Variants in TMEM163 observed in about 807,000 individuals in gnomAD.
The protein encoded by TMEM163 is transmembrane protein 163.
In TMEM163, 17 loss-of-function variants were observed where a neutral mutation model predicts 29.3. The observed-to-expected ratio is 0.58, with a 90% confidence interval of 0.40 to 0.87. The LOEUF (loss-of-function observed/expected upper bound fraction) is 0.87, where lower values mean the gene tolerates loss of function less well. Among genes scored for constraint, TMEM163 ranks in the 40% least tolerant of loss-of-function variants. TMEM163 has a pLI of 0.00. For synonymous variants in TMEM163, 157 were observed against 160.6 expected, an observed-to-expected ratio of 0.98 and a Z score of 0.17; for missense variants, 303 against 381.5, an observed-to-expected ratio of 0.79 and a Z score of 1.71.
chr2:134,556,446 A>G (rs191506706), intron 2 of TMEM163, among the ~76,000 whole-genome samples: 1 of 152,246 alleles, frequency 6.6e-6, no homozygotes, highest in Non-Finnish European at 1.5e-5. Context: ...GTAACTAAAT[A>G]TTCCATAGTA....
At chr2:134,712,002 T>G (rs1285458358) in intron 2 of TMEM163, among the ~76,000 whole-genome samples, 1 of 152,212 alleles carries the variant, frequency 6.6e-6, no homozygotes, top group East Asian at 1.9e-4. Context: ...TTATTCTTGT[T>G]ACAGCATTAA....
chr2:134,472,674 T>C (rs1408772809), intron 5 of TMEM163, among the ~76,000 whole-genome samples: 1 of 152,206 alleles, frequency 6.6e-6, no homozygotes, highest in South Asian at 2.1e-4. Context: ...GAAAACACTT[T>C]TACATAACTG....
intron 4 of TMEM163, among the ~76,000 whole-genome samples, chr2:134,508,496 C>T (rs181963730): frequency 9.9e-4 from 150 of 152,252 alleles, no homozygotes; most frequent in Non-Finnish European, 1.5e-3. Flanking sequence ...TCTTTCTCTC[C>T]GTGTGTTCTG....
chr2:134,554,271 AAAG>A (rs1680997203), intron 2 of TMEM163, among the ~76,000 whole-genome samples: 1 of 151,822 alleles, frequency 6.6e-6, no homozygotes. Context: ...AAAAATGCAA[AAAG>A]AATAAGCCGG....
chr2:134,493,902 C>A (rs1679487294), intron 5 of TMEM163, among the ~76,000 whole-genome samples: 1 of 152,116 alleles, frequency 6.6e-6, no homozygotes, highest in Admixed American at 6.5e-5. Flanking sequence ...TACCTTGGCA[C>A]CTCTGTCAAA....
intron 2 of TMEM163, among the ~76,000 whole-genome samples, chr2:134,606,474 T>TC: frequency 6.6e-6 from 1 of 152,050 alleles, no homozygotes; most frequent in Admixed American, 6.6e-5. Context: ...CAAAATCCCC[T>TC]CCTCTTCGAG....
intron 2 of TMEM163, among the ~76,000 whole-genome samples, chr2:134,596,565 C>A (rs1462086687): frequency 2.6e-5 from 4 of 152,206 alleles, no homozygotes; most frequent in African/African-American, 9.6e-5. Flanking sequence ...CAGCTTTGTT[C>A]TTTTGGCTTA....
At chr2:134,535,813 T>A (rs1029429316) in intron 4 of TMEM163, among the ~76,000 whole-genome samples, 3 of 151,516 alleles carry the variant, frequency 2.0e-5, no homozygotes, top group Non-Finnish European at 4.4e-5. Context: ...AATCCCCACC[T>A]CCCAGTTCAA....
At chr2:134,534,681 G>A (rs1238541818) in intron 4 of TMEM163, among the ~76,000 whole-genome samples, 2 of 152,036 alleles carry the variant, frequency 1.3e-5, no homozygotes, top group East Asian at 3.9e-4. Context: ...TTGAACCCGG[G>A]AAGTGGAGGT....
intron 2 of TMEM163, among the ~76,000 whole-genome samples, chr2:134,627,250 G>A (rs1020887593): frequency 2.0e-5 from 3 of 152,122 alleles, no homozygotes; most frequent in Non-Finnish European, 4.4e-5. Context: ...CTTTAAGAGT[G>A]TTAAACTTTT....
At chr2:134,487,368 T>C (rs375669619) in intron 5 of TMEM163, among the ~76,000 whole-genome samples, 22 of 152,174 alleles carry the variant, frequency 1.4e-4, no homozygotes, top group African/African-American at 4.6e-4. Flanking sequence ...ACTCACAAAA[T>C]ATAGAGGAAT....
intron 5 of TMEM163, among the ~76,000 whole-genome samples, chr2:134,500,843 A>G (rs1259610903): frequency 1.3e-5 from 2 of 152,068 alleles, no homozygotes; most frequent in East Asian, 1.9e-4. Context: ...GAAGGGAGGG[A>G]CTTGTTAAAG....
intron 2 of TMEM163, among the ~76,000 whole-genome samples, chr2:134,669,720 C>T (rs1683948374): frequency 6.6e-6 from 1 of 152,208 alleles, no homozygotes; most frequent in Admixed American, 6.5e-5. Flanking sequence ...GGCTGGGTCA[C>T]ACAAGGCAAA....
chr2:134,559,342 C>G (rs1442465373), intron 2 of TMEM163, among the ~76,000 whole-genome samples: 7 of 150,996 alleles, frequency 4.6e-5, no homozygotes, highest in Admixed American at 1.3e-4. Flanking sequence ...CAGCAAAGTG[C>G]CTGCTAAATA....
At chr2:134,598,698 C>G (rs942927454) in intron 2 of TMEM163, among the ~76,000 whole-genome samples, 1 of 152,022 alleles carries the variant, frequency 6.6e-6, no homozygotes, top group Non-Finnish European at 1.5e-5. Flanking sequence ...CGGAGAATCA[C>G]TTGAGCTCAG....
intron 2 of TMEM163, among the ~76,000 whole-genome samples, chr2:134,693,566 A>G (rs1043955082): frequency 1.3e-5 from 2 of 150,778 alleles, no homozygotes; most frequent in African/African-American, 2.5e-5. Flanking sequence ...CCAAGATTGC[A>G]ACACTGCACT....
At chr2:134,717,750 C>G (rs1685066294) in intron 1 of TMEM163, among the ~76,000 whole-genome samples, 1 of 152,176 alleles carries the variant, frequency 6.6e-6, no homozygotes, top group South Asian at 2.1e-4. Context: ...ACCACAGATT[C>G]GTTCTGAGGG....
rs150698493 is a variant in TMEM163, at chr2:134,697,885, T to C, written c.322+15315A>G. ...TTCATGAGTGATACTGACCTATAAATTCTCTGTTGCCTTTGATTTAGGTAT... is the reference window on the plus strand; with the variant it reads ...TTCATGAGTGATACTGACCTATAAACTCTCTGTTGCCTTTGATTTAGGTAT... On this transcript the variant is annotated intron_variant, in intron 2 of 7. Transcript: ENST00000281924. Among the ~76,000 whole-genome samples the C allele has an allele frequency of 1.9e-3, 295 of 152,346 alleles. 2 individuals carry two copies. The highest frequency in any genetic ancestry group is 6.8e-3 in the African/African-American group (282 of 41,578).
intron 4 of TMEM163, among the ~76,000 whole-genome samples, chr2:134,514,428 C>T (rs1680013340): frequency 7.5e-6 from 1 of 133,532 alleles, no homozygotes; most frequent in Admixed American, 7.9e-5. Flanking sequence ...GTCTGTACAT[C>T]AATCTTGTAT....
Sources: gnomAD v4.1 joint callset for allele counts (sites outside exome capture counted in the v4.1 genomes callset) on GRCh38, gnomAD v4.1.1 for gene constraint, MANE v1.5 for transcripts, NCBI Gene and HGNC (gene_info 2026-07-23, HGNC 2026-07-21) for gene names.